PTPRD: variants seen among roughly 807,000 people sequenced by gnomAD.
The protein encoded by PTPRD is protein tyrosine phosphatase receptor type D.
In PTPRD, 34 loss-of-function variants were observed where a neutral mutation model predicts 214.5. The observed-to-expected ratio is 0.16, with a 90% CI of 0.12 to 0.21. PTPRD has a LOEUF of 0.21. PTPRD is among the 10% of genes least tolerant of loss of function. The pLI is 1.00. For missense variants in PTPRD, 2,545 were observed against 2,398.7 expected, an observed-to-expected ratio of 1.06 and a Z score of -1.27; for synonymous variants, 1,128 against 845.7, an observed-to-expected ratio of 1.33 and a Z score of -5.79.
At chr9:10,136,160 A>G (rs750959710) in intron 3 of PTPRD, among the ~76,000 whole-genome samples, 16 of 151,984 alleles carry the variant, frequency 1.1e-4, no homozygotes, top group Non-Finnish European at 2.4e-4. Flanking sequence ...TAACAATAAA[A>G]TATTCAATTC....
rs141489407 is a variant in PTPRD at position 10,404,943 on chromosome 9, G to A, written c.-599-63926C>T. ...AAAAATGAGAGAATAGCAATGATGA[G>A]ATAACACTTCAATCTCATCCTCCAC... On this transcript the variant is annotated intron_variant, in intron 2 of 45. Transcript: ENST00000381196. Among the ~76,000 whole-genome samples, 3 of 48,004 alleles carry A rather than the reference G, an allele frequency of 6.2e-5. 1 individual carries two copies. Among genetic ancestry groups the A allele is most frequent in the African/African-American group, 1.5e-4 (3 of 19,648 alleles). 31.5% of individuals were successfully genotyped at this position (48,004 alleles called of 152,430 possible). A position where few individuals can be genotyped will look rare whatever the true frequency, so the allele number is the denominator to read the frequency against.
intron 2 of PTPRD, among the ~76,000 whole-genome samples, chr9:10,483,158 A>C (rs187089978): frequency 1.3e-5 from 2 of 152,288 alleles, no homozygotes; most frequent in East Asian, 1.9e-4. Flanking sequence ...ATCATCAACA[A>C]ATCATATAAA....
At chr9:8,688,394 G>A (rs565383536) in intron 12 of PTPRD, among the ~76,000 whole-genome samples, 31 of 151,854 alleles carry the variant, frequency 2.0e-4, no homozygotes, top group African/African-American at 6.0e-4. Context: ...GTGAAACCCC[G>A]TCTCTACTAA....
chr9:9,976,689 C>CAAAAAGA (rs2095365489), intron 4 of PTPRD, among the ~76,000 whole-genome samples: 1 of 63,268 alleles, frequency 1.6e-5, no homozygotes. Flanking sequence ...ACCCTGCCAC[C>CAAAAAGA]AAAAAAAAAA....
chr9:9,005,797 T>A (rs557718683), intron 11 of PTPRD, among the ~76,000 whole-genome samples: 1 of 152,028 alleles, frequency 6.6e-6, no homozygotes, highest in African/African-American at 2.4e-5. Context: ...TTTCTTATCA[T>A]AATTGGGGAT....
chr9:8,644,959 G>A (rs900879781), intron 12 of PTPRD, among the ~76,000 whole-genome samples: 2 of 152,192 alleles, frequency 1.3e-5, no homozygotes, highest in Admixed American at 6.5e-5. Flanking sequence ...TGGCCACAGA[G>A]GTTTCTGGCC....
At chr9:8,500,106 T>C (rs1192617301) in intron 24 of PTPRD, among the ~76,000 whole-genome samples, 4 of 130,748 alleles carry the variant, frequency 3.1e-5, no homozygotes, top group Admixed American at 2.2e-4. Context: ...TAGAAAAACA[T>C]GTAAAAAATG....
intron 2 of PTPRD, among the ~76,000 whole-genome samples, chr9:10,575,192 C>T (rs985455584): frequency 2.4e-4 from 36 of 151,864 alleles, no homozygotes; most frequent in African/African-American, 8.7e-4. Flanking sequence ...TAGGTAGGTC[C>T]TTTCAAAGAT....
intron 11 of PTPRD, among the ~76,000 whole-genome samples, chr9:8,900,538 C>T (rs2098659448): frequency 6.6e-6 from 1 of 152,166 alleles, no homozygotes; most frequent in South Asian, 2.1e-4. Flanking sequence ...GTCCTTGGGT[C>T]AGGTCACTGT....
intron 2 of PTPRD, among the ~76,000 whole-genome samples, chr9:10,357,537 T>C (rs1253446078): frequency 1.3e-5 from 2 of 152,196 alleles, no homozygotes; most frequent in Admixed American, 1.3e-4. Context: ...CTAATACGTA[T>C]GCAAAGTGCT....
intron 10 of PTPRD, among the ~76,000 whole-genome samples, chr9:9,108,882 G>T (rs532422635): frequency 6.6e-6 from 1 of 152,234 alleles, no homozygotes; most frequent in Admixed American, 6.5e-5. Flanking sequence ...GTTACAATTA[G>T]CATGCCTCTG....
chr9:9,131,331 G>A (rs2099842262), intron 10 of PTPRD, among the ~76,000 whole-genome samples: 1 of 152,128 alleles, frequency 6.6e-6, no homozygotes, highest in Non-Finnish European at 1.5e-5. Context: ...TGCATGTCCA[G>A]TAGCAATAAG....
In PTPRD at chr9:8,471,103, G is replaced by A. The variant is rs765075569; in HGVS notation, c.3414-18C>T. 6.2e-7 allele frequency: 1 copy of A among 1,604,564 alleles called. No individual in the cohort carries two copies. Among genetic ancestry groups the A allele is most frequent in the South Asian group, 1.1e-5 (1 of 90,900 alleles). On this transcript the variant is annotated intron_variant, in intron 30 of 45. Transcript: ENST00000381196. ...AGTAACCTCTGCACAAGAATGAATA[G>A]ATAAAAGTTAGGTTAGTTGAAAGGA...
At chr9:8,383,989 T>C (rs1400251666) in intron 37 of PTPRD, among the ~76,000 whole-genome samples, 1 of 152,094 alleles carries the variant, frequency 6.6e-6, no homozygotes, top group Non-Finnish European at 1.5e-5. Flanking sequence ...TATTTCAAGA[T>C]GGGAGACAGA....
chr9:10,316,575 C>A (rs921959085), intron 3 of PTPRD, among the ~76,000 whole-genome samples: 13 of 151,830 alleles, frequency 8.6e-5, no homozygotes, highest in Non-Finnish European at 1.6e-4. Context: ...TTCATTTGGT[C>A]TTTTTCCAGA....
chr9:8,882,933 G>A (rs10441692), intron 11 of PTPRD, among the ~76,000 whole-genome samples: 75,186 of 149,084 alleles, frequency 0.5, 19,125 homozygotes, highest in South Asian at 0.63. Flanking sequence ...TCAATCTAAA[G>A]TAATAGGCGC....
chr9:9,210,359 C>T (rs1488578677), intron 9 of PTPRD, among the ~76,000 whole-genome samples: 4 of 152,258 alleles, frequency 2.6e-5, no homozygotes, highest in East Asian at 1.9e-4. Flanking sequence ...AGAATCACTG[C>T]GTTTTCCACA....
chr9:8,862,041 C>A (rs1171260521), intron 11 of PTPRD: 1 of 152,032 alleles, frequency 6.6e-6, no homozygotes, highest in Non-Finnish European at 1.5e-5. Flanking sequence ...CTTGCTTTGG[C>A]CAAACACAGA....
At chr9:9,280,645 G>A (rs1389517130) in intron 9 of PTPRD, among the ~76,000 whole-genome samples, 6 of 151,082 alleles carry the variant, frequency 4.0e-5, no homozygotes, top group Non-Finnish European at 8.9e-5. Flanking sequence ...TAAACAAATG[G>A]AAAGATATTT....
Sources: gnomAD v4.1 joint callset for allele counts (sites outside exome capture counted in the v4.1 genomes callset) on GRCh38, gnomAD v4.1.1 for gene constraint, MANE v1.5 for transcripts, NCBI Gene and HGNC (gene_info 2026-07-23, HGNC 2026-07-21) for gene names.